SH3RF1: variants seen among roughly 807,000 people sequenced by gnomAD.
SH3RF1 encodes E3 ubiquitin-protein ligase SH3RF1.
SH3RF1 carries 32 observed loss-of-function variants against 74.0 expected under a neutral mutation model. That is an observed-to-expected ratio of 0.43 (90% confidence interval 0.33 to 0.58). The LOEUF (loss-of-function observed/expected upper bound fraction) is 0.58. Among genes scored for constraint, SH3RF1 ranks in the 20% least tolerant of loss-of-function variants. SH3RF1 has a pLI of 0.05. For synonymous variants in SH3RF1, 396 were observed against 439.6 expected (o/e 0.90, Z 1.24); for missense variants, 954 against 1,130.9 (o/e 0.84, Z 2.24).
intron 2 of SH3RF1, among the ~76,000 whole-genome samples, chr4:169,168,658 G>A (rs1453275596): frequency 6.6e-6 from 1 of 152,228 alleles, no homozygotes; most frequent in Non-Finnish European, 1.5e-5. Flanking sequence ...AGAGAGGGTT[G>A]TTAAATATTG....
intron 2 of SH3RF1, among the ~76,000 whole-genome samples, chr4:169,183,491 G>T (rs888571926): frequency 3.3e-5 from 5 of 152,032 alleles, no homozygotes; most frequent in African/African-American, 1.2e-4. Flanking sequence ...ATGTTGGCCA[G>T]GCTGGTCTCG....
intron 2 of SH3RF1, among the ~76,000 whole-genome samples, chr4:169,173,982 A>G (rs1734374951): frequency 7.1e-6 from 1 of 140,828 alleles, no homozygotes; most frequent in South Asian, 2.5e-4. Context: ...CTAGTTCTTC[A>G]ATTGTAATTT....
At chr4:169,224,202 TA>T (rs1384006288) in intron 2 of SH3RF1, among the ~76,000 whole-genome samples, 2 of 152,204 alleles carry the variant, frequency 1.3e-5, no homozygotes, top group African/African-American at 2.4e-5. Context: ...ACAGATCCTG[TA>T]TGGCCTTGTG....
chr4:169,177,737 A>G (rs1006183567), intron 2 of SH3RF1, among the ~76,000 whole-genome samples: 10 of 152,202 alleles, frequency 6.6e-5, no homozygotes, highest in African/African-American at 2.4e-4. Flanking sequence ...GCTTACATAT[A>G]TGTAAACAAG....
At chr4:169,264,444 T>C (rs1731321885) in intron 2 of SH3RF1, among the ~76,000 whole-genome samples, 1 of 152,130 alleles carries the variant, frequency 6.6e-6, no homozygotes, top group African/African-American at 2.4e-5. Context: ...AACTTCAACG[T>C]AGCAATGTTG....
At chr4:169,119,936 A>C (rs551605216) in intron 8 of SH3RF1, among the ~76,000 whole-genome samples, 1 of 152,344 alleles carries the variant, frequency 6.6e-6, no homozygotes, top group Non-Finnish European at 1.5e-5. Flanking sequence ...TTCTTTCCTC[A>C]GTGACCAAAA....
intron 2 of SH3RF1, among the ~76,000 whole-genome samples, chr4:169,158,221 A>C (rs976674302): frequency 2.6e-5 from 4 of 152,214 alleles, no homozygotes; most frequent in African/African-American, 9.7e-5. Flanking sequence ...TGAGTAGGAA[A>C]ATGAAACACT....
At chr4:169,125,496 C>T (rs906084798) in intron 6 of SH3RF1, among the ~76,000 whole-genome samples, 1 of 152,182 alleles carries the variant, frequency 6.6e-6, no homozygotes, top group African/African-American at 2.4e-5. Context: ...CAGTACGTCT[C>T]AAACTTGGGC....
At chr4:169,141,412 A>C (rs954541488) in intron 4 of SH3RF1, among the ~76,000 whole-genome samples, 3 of 152,206 alleles carry the variant, frequency 2.0e-5, no homozygotes, top group African/African-American at 7.2e-5. Context: ...AGGCTCGTAC[A>C]AGCATATCCA....
intron 2 of SH3RF1, among the ~76,000 whole-genome samples, chr4:169,206,719 G>T (rs1439874604): frequency 6.6e-6 from 1 of 152,176 alleles, no homozygotes; most frequent in Non-Finnish European, 1.5e-5. Flanking sequence ...AGGGTGCACA[G>T]AGGAAAACAC....
At position 169,268,928 on chromosome 4, in the gene SH3RF1, A is replaced by G. The variant is rs748011537; in HGVS notation, c.285T>C (p.Asn95=). ...PGGGSGTNCT[N]ALRSQSSTVA... ...CAGTGCTGCTCTGAGACCTTAATGC[A>G]TTTGTGCAGTTGGTCCCACTTCCCC... is the stretch of plus-strand genomic sequence containing the variant. The change falls in exon 2 of 12, where the codon AAT becomes AAC. Residue 95 remains asparagine, a synonymous_variant. Transcript: ENST00000284637. The G allele has an allele frequency of 1.2e-6, 2 of 1,614,052 alleles. No homozygotes were observed. Among genetic ancestry groups the G allele is most frequent in the Non-Finnish European group, 1.7e-6 (2 of 1,180,024 alleles).
chr4:169,104,914 A>C (rs2126936913), intron 11 of SH3RF1, among the ~76,000 whole-genome samples: 1 of 152,150 alleles, frequency 6.6e-6, no homozygotes, highest in South Asian at 2.1e-4. Flanking sequence ...AAAAAAAAAA[A>C]AAAAATCATA....
At chr4:169,205,838 C>T (rs942821469) in intron 2 of SH3RF1, among the ~76,000 whole-genome samples, 3 of 152,172 alleles carry the variant, frequency 2.0e-5, no homozygotes, top group Admixed American at 2.0e-4. Context: ...AAACCCATAT[C>T]CTGACTTGAG....
intron 11 of SH3RF1, among the ~76,000 whole-genome samples, chr4:169,097,354 T>A (rs1308390461): frequency 6.6e-6 from 1 of 152,196 alleles, no homozygotes; most frequent in Non-Finnish European, 1.5e-5. Flanking sequence ...ACAAGTTCAA[T>A]CCAACATTAC....
At chr4:169,145,957 A>G (rs1336576330) in intron 4 of SH3RF1, among the ~76,000 whole-genome samples, 1 of 137,008 alleles carries the variant, frequency 7.3e-6, no homozygotes. Context: ...ATTCTATATA[A>G]AATATTACAT....
intron 2 of SH3RF1, among the ~76,000 whole-genome samples, chr4:169,209,692 G>A (rs1730325679): frequency 6.6e-6 from 1 of 152,186 alleles, no homozygotes; most frequent in Admixed American, 6.5e-5. Context: ...TTGCTTATCT[G>A]TAAAATGAAG....
Position 169,122,085 on chromosome 4 carries a change from G to A in SH3RF1, c.1346+15C>T, listed in dbSNP as rs553747204. 3.1e-6 allele frequency: 5 copies of A among 1,610,228 alleles called. No individual in the cohort carries two copies. Among genetic ancestry groups the A allele is most frequent in the African/African-American group, 1.3e-5 (1 of 74,910 alleles). On this transcript the variant is annotated intron_variant, in intron 7 of 11. Coordinates refer to ENST00000284637, the MANE Select transcript of SH3RF1 (RefSeq NM_020870.4). ...AATGAACACATAAGCAGTAACAGAC[G>A]ACACGCTCACTTACACACTGGGGCG...
intron 5 of SH3RF1, 49 bp from the exon 6 acceptor site, chr4:169,130,205 C>A: frequency 8.0e-7 from 1 of 1,252,834 alleles, no homozygotes; most frequent in South Asian, 1.7e-5. Context: ...TTTAATACAA[C>A]AGAATATACT....
At chr4:169,096,838 G>C in intron 11 of SH3RF1, 151 bp from the exon 12 acceptor site, 1 of 787,208 alleles carries the variant, frequency 1.3e-6, no homozygotes, top group Non-Finnish European at 2.0e-6. Context: ...GCTATTTTCT[G>C]TTTAGTAGAG....
Sources: allele counts gnomAD v4.1 joint callset (sites outside exome capture counted in the v4.1 genomes callset), GRCh38; gene constraint gnomAD v4.1.1; transcripts MANE v1.5; gene names NCBI Gene and HGNC (gene_info 2026-07-23, HGNC 2026-07-21).